MMP16: variants seen among roughly 807,000 people sequenced by gnomAD.
MMP16 encodes the protein matrix metallopeptidase 16.
A neutral mutation model predicts 67.8 loss-of-function variants in MMP16; 12 were observed. The observed-to-expected ratio is 0.18, with a 90% CI of 0.11 to 0.29. MMP16 has a LOEUF of 0.29. MMP16 is among the 10% of genes least tolerant of loss of function. The pLI, the probability that MMP16 is intolerant of heterozygous loss-of-function variation, is 1.00. For synonymous variants in MMP16, 249 were observed against 255.9 expected, an observed-to-expected ratio of 0.97 and a Z score of 0.26; for missense variants, 475 against 765.7, an observed-to-expected ratio of 0.62 and a Z score of 4.48.
intron 4 of MMP16, among the ~76,000 whole-genome samples, chr8:88,159,967 T>C (rs1022242558): frequency 6.6e-6 from 1 of 151,980 alleles, no homozygotes; most frequent in Non-Finnish European, 1.5e-5. Context: ...CAAATTATTT[T>C]ATTTTATTTT....
intron 9 of MMP16, among the ~76,000 whole-genome samples, chr8:88,045,149 A>G (rs551310117): frequency 6.6e-6 from 1 of 151,924 alleles, no homozygotes; most frequent in African/African-American, 2.4e-5. Flanking sequence ...CAGGACTTCA[A>G]GGTTCTTTTT....
chr8:88,299,621 C>T (rs1811066974), intron 1 of MMP16, among the ~76,000 whole-genome samples: 1 of 152,126 alleles, frequency 6.6e-6, no homozygotes, highest in African/African-American at 2.4e-5. Context: ...ATTGTCACTA[C>T]TTCATCTAAT....
intron 6 of MMP16, among the ~76,000 whole-genome samples, chr8:88,079,163 T>A (rs1460483086): frequency 6.6e-6 from 1 of 152,136 alleles, no homozygotes; most frequent in East Asian, 1.9e-4. Context: ...GGAAAGCTCT[T>A]TTCTTCCTTA....
chr8:88,089,317 A>T (rs1054609220), intron 6 of MMP16, among the ~76,000 whole-genome samples: 2 of 152,094 alleles, frequency 1.3e-5, no homozygotes, highest in Non-Finnish European at 2.9e-5. Flanking sequence ...AAAGCACAAA[A>T]TAATCTATGC....
In MMP16 at chr8:88,069,829, T is replaced by C. The variant is rs568483325; in HGVS notation, c.1222+4776A>G. On this transcript the variant is annotated intron_variant, in intron 7 of 9. Coordinates refer to ENST00000286614, the MANE Select transcript of MMP16 (RefSeq NM_005941.5). Reference sequence around the variant, plus strand: ...CATCCATAAGCATAAGGCAGGCTAATAGGCTTTTATTAGCTTACAAATAAG... The same window carrying C: ...CATCCATAAGCATAAGGCAGGCTAACAGGCTTTTATTAGCTTACAAATAAG... 2.8e-3 allele frequency among the ~76,000 whole-genome samples: 426 copies of C among 152,242 alleles called. 3 individuals carry two copies. Among genetic ancestry groups the C allele is most frequent in the Non-Finnish European group, 4.6e-3 (314 of 68,012 alleles).
intron 1 of MMP16, among the ~76,000 whole-genome samples, chr8:88,312,283 C>G (rs967047042): frequency 1.3e-5 from 2 of 152,148 alleles, no homozygotes; most frequent in African/African-American, 4.8e-5. Context: ...CTTGATCACC[C>G]AATCTTTTAT....
At chr8:88,157,627 G>C (rs1170545455) in intron 4 of MMP16, among the ~76,000 whole-genome samples, 1 of 151,692 alleles carries the variant, frequency 6.6e-6, no homozygotes. Flanking sequence ...AATAAAATCA[G>C]TTGTGTTAAG....
intron 1 of MMP16, among the ~76,000 whole-genome samples, chr8:88,254,444 C>A (rs1810271919): frequency 6.6e-6 from 1 of 151,608 alleles, no homozygotes; most frequent in African/African-American, 2.4e-5. Flanking sequence ...CATATATACC[C>A]CTGAACTTAA....
At chr8:88,263,966 G>C in intron 1 of MMP16, among the ~76,000 whole-genome samples, 1 of 98,314 alleles carries the variant, frequency 1.0e-5, no homozygotes, top group Non-Finnish European at 2.2e-5. Context: ...TATATAGAGA[G>C]AGAGAGAAAG....
chr8:88,106,848 T>C (rs548896835), intron 6 of MMP16, among the ~76,000 whole-genome samples: 3 of 151,288 alleles, frequency 2.0e-5, no homozygotes, highest in South Asian at 4.1e-4. Context: ...CCTACATGTG[T>C]ATTGCTTTTC....
intron 1 of MMP16, among the ~76,000 whole-genome samples, chr8:88,310,954 G>A (rs1032799779): frequency 1.3e-5 from 2 of 152,020 alleles, no homozygotes; most frequent in Non-Finnish European, 2.9e-5. Context: ...AATTAATAAG[G>A]TATTTAATAA....
At chr8:88,101,734 T>C (rs1563531927) in intron 6 of MMP16, among the ~76,000 whole-genome samples, 1 of 151,926 alleles carries the variant, frequency 6.6e-6, no homozygotes, top group Non-Finnish European at 1.5e-5. Context: ...AGATTAAGAA[T>C]ATGATGTACC....
At chr8:88,226,633 C>A (rs1809773412) in intron 1 of MMP16, among the ~76,000 whole-genome samples, 1 of 151,988 alleles carries the variant, frequency 6.6e-6, no homozygotes. Flanking sequence ...TTAACTCTTT[C>A]TACTAGGAAT....
At chr8:88,090,558 A>G (rs1262303702) in intron 6 of MMP16, among the ~76,000 whole-genome samples, 3 of 151,908 alleles carry the variant, frequency 2.0e-5, no homozygotes, top group Admixed American at 6.6e-5. Flanking sequence ...TGAGTTGGTA[A>G]TACCTGGTCC....
chr8:88,097,226 AT>A (rs1041052296), intron 6 of MMP16, among the ~76,000 whole-genome samples: 1 of 151,632 alleles, frequency 6.6e-6, no homozygotes, highest in African/African-American at 2.4e-5. Flanking sequence ...AAGAAAAACT[AT>A]TTTTTTTGGT....
chr8:88,220,383 G>A (rs760473458), intron 1 of MMP16, among the ~76,000 whole-genome samples: 45 of 152,188 alleles, frequency 3.0e-4, no homozygotes, highest in Middle Eastern at 3.4e-3. Flanking sequence ...GAAGGAACCA[G>A]ACTGTTCTAT....
intron 9 of MMP16, among the ~76,000 whole-genome samples, chr8:88,046,237 T>C (rs1039443195): frequency 2.0e-5 from 3 of 152,200 alleles, no homozygotes; most frequent in Non-Finnish European, 4.4e-5. Flanking sequence ...CTTGCTGGAC[T>C]CTTCCTCTAA....
At chr8:88,198,149 A>C (rs1172692411) in intron 1 of MMP16, among the ~76,000 whole-genome samples, 2 of 152,182 alleles carry the variant, frequency 1.3e-5, no homozygotes, top group Non-Finnish European at 2.9e-5. Flanking sequence ...TTAAAAGTTA[A>C]TACAAATGCA....
chr8:88,057,550 C>T (rs896679932), intron 7 of MMP16, among the ~76,000 whole-genome samples: 9 of 152,098 alleles, frequency 5.9e-5, no homozygotes, highest in African/African-American at 1.4e-4. Context: ...GGTGTCCCAA[C>T]GTCCTTTCTA....
Sources: allele counts gnomAD v4.1 joint callset (sites outside exome capture counted in the v4.1 genomes callset), GRCh38; gene constraint gnomAD v4.1.1; transcripts MANE v1.5; gene names NCBI Gene and HGNC (gene_info 2026-07-23, HGNC 2026-07-21).